KAZN: variants seen among roughly 807,000 people sequenced by gnomAD.
The protein encoded by KAZN is kazrin.
KAZN carries 40 observed loss-of-function variants against 87.4 expected under a neutral mutation model. The ratio of observed to expected loss-of-function variants is 0.46; its 90% confidence interval spans 0.36 to 0.60. KAZN has a LOEUF of 0.60. KAZN is among the 20% of genes least tolerant of loss of function. The pLI is 0.00. For missense variants in KAZN, 898 were observed against 1,073.9 expected, an observed-to-expected ratio of 0.84 and a Z score of 2.29; for synonymous variants, 466 against 458.3, an observed-to-expected ratio of 1.02 and a Z score of -0.22.
chr1:14,290,492 TC>T (rs1333984867), intron 2 of KAZN, among the ~76,000 whole-genome samples: 1 of 152,262 alleles, frequency 6.6e-6, no homozygotes, highest in Non-Finnish European at 1.5e-5. Context: ...TGTGCGTGCC[TC>T]ATGTAGTTCT....
At chr1:13,960,137 A>G (rs1641696766) in intron 1 of KAZN, among the ~76,000 whole-genome samples, 1 of 152,144 alleles carries the variant, frequency 6.6e-6, no homozygotes, top group African/African-American at 2.4e-5. Context: ...ATGTTTAGCC[A>G]TATGGAGGAA....
At chr1:14,088,944 C>A (rs1317743204) in intron 1 of KAZN, among the ~76,000 whole-genome samples, 2 of 148,328 alleles carry the variant, frequency 1.3e-5, no homozygotes, top group Non-Finnish European at 3.0e-5. Flanking sequence ...AAGATTCATA[C>A]CATCATTCTA....
chr1:14,309,111 A>G (rs1281285162), intron 2 of KAZN, among the ~76,000 whole-genome samples: 1 of 152,160 alleles, frequency 6.6e-6, no homozygotes, highest in Non-Finnish European at 1.5e-5. Flanking sequence ...TATTTTTCCA[A>G]ATGGCAGCTG....
chr1:15,007,376 T>TC (rs1669132393), intron 2 of KAZN, among the ~76,000 whole-genome samples: 1 of 152,228 alleles, frequency 6.6e-6, no homozygotes, highest in South Asian at 2.1e-4. Flanking sequence ...CGAGGGTTTT[T>TC]CATGAGCTAG....
At chr1:14,137,104 G>A (rs958221596) in intron 1 of KAZN, among the ~76,000 whole-genome samples, 2 of 152,166 alleles carry the variant, frequency 1.3e-5, no homozygotes, top group South Asian at 2.1e-4. Flanking sequence ...AGGAAGGGCC[G>A]CTGCTGGGAA....
At chr1:14,489,345 C>T (rs911721127) in intron 2 of KAZN, among the ~76,000 whole-genome samples, 6 of 151,978 alleles carry the variant, frequency 3.9e-5, no homozygotes, top group Non-Finnish European at 8.8e-5. Context: ...CTATATAAAT[C>T]GGGATAAAAT....
chr1:14,146,206 C>G (rs1645345044), intron 1 of KAZN, among the ~76,000 whole-genome samples: 1 of 151,408 alleles, frequency 6.6e-6, no homozygotes, highest in African/African-American at 2.4e-5. Flanking sequence ...AATTTTCCTC[C>G]TTATTTACTG....
chr1:15,108,974 C>T (rs577864633), intron 13 of KAZN, among the ~76,000 whole-genome samples: 2 of 152,262 alleles, frequency 1.3e-5, no homozygotes, highest in African/African-American at 4.8e-5. Flanking sequence ...GGGGGGATTT[C>T]AGCCACTGTG....
At chr1:14,848,652 C>T (rs1475077482) in intron 1 of KAZN, among the ~76,000 whole-genome samples, 1 of 152,204 alleles carries the variant, frequency 6.6e-6, no homozygotes, top group Non-Finnish European at 1.5e-5. Flanking sequence ...TCTGAAGCTA[C>T]AGATGTCAAC....
chr1:13,993,720 C>T (rs925081712), intron 1 of KAZN, among the ~76,000 whole-genome samples: 1 of 152,140 alleles, frequency 6.6e-6, no homozygotes, highest in Non-Finnish European at 1.5e-5. Context: ...ATGATAATTT[C>T]AGGAAGTTAC....
intron 1 of KAZN, among the ~76,000 whole-genome samples, chr1:14,917,225 G>T (rs1485967593): frequency 6.6e-6 from 1 of 152,178 alleles, no homozygotes; most frequent in Non-Finnish European, 1.5e-5. Context: ...ACCCCACCAA[G>T]GGCAAAGGTC....
At chr1:14,962,289 TGCTTTCCAAG>T (rs1663967164) in intron 2 of KAZN, among the ~76,000 whole-genome samples, 1 of 152,236 alleles carries the variant, frequency 6.6e-6, no homozygotes, top group Non-Finnish European at 1.5e-5. Context: ...CAGTACATGT[TGCTTTCCAAG>T]GCAGGTAGAT....
chr1:14,139,164 G>T (rs146295975), intron 1 of KAZN, among the ~76,000 whole-genome samples: 2 of 152,074 alleles, frequency 1.3e-5, no homozygotes, highest in Non-Finnish European at 2.9e-5. Context: ...GTTGTCCCAC[G>T]CTAATTTCTC....
In KAZN at chr1:14,342,434, T is replaced by C. The variant is rs561943099; in HGVS notation, c.249+161842T>C. Among the ~76,000 whole-genome samples, 4 of 152,334 alleles carry C rather than the reference T, an allele frequency of 2.6e-5. No individual in the cohort carries two copies. In the South Asian group the frequency reaches 8.3e-4, roughly 32 times the overall value. On this transcript the variant is annotated intron_variant, in intron 2 of 16. Transcript: ENST00000636203. ...CACACTGTCTTGACAATCTGTATTG[T>C]ACTAATTTATGGCACGTATTCTTGC...
intron 2 of KAZN, among the ~76,000 whole-genome samples, chr1:14,284,002 C>A (rs1043871508): frequency 1.9e-4 from 29 of 152,014 alleles, no homozygotes; most frequent in African/African-American, 7.0e-4. Flanking sequence ...AACCCAGACA[C>A]AAAAGACCAT....
intron 2 of KAZN, among the ~76,000 whole-genome samples, chr1:14,270,954 G>C (rs1018887063): frequency 6.6e-6 from 1 of 152,160 alleles, no homozygotes; most frequent in African/African-American, 2.4e-5. Context: ...CATGGCGCAC[G>C]GAGAAAGGGT....
chr1:14,085,088 T>G (rs1643814178), intron 1 of KAZN, among the ~76,000 whole-genome samples: 1 of 152,178 alleles, frequency 6.6e-6, no homozygotes, highest in African/African-American at 2.4e-5. Flanking sequence ...CCCAATACTT[T>G]CAGTGTGCTA....
intron 1 of KAZN, among the ~76,000 whole-genome samples, chr1:14,634,340 C>T (rs551864381): frequency 7.4e-4 from 112 of 152,248 alleles, no homozygotes; most frequent in Non-Finnish European, 1.4e-3. Flanking sequence ...GAGGATTTTT[C>T]TCTTTTGTCT....
intron 2 of KAZN, among the ~76,000 whole-genome samples, chr1:14,521,758 AGT>A (rs1242441824): frequency 1.3e-5 from 2 of 152,204 alleles, no homozygotes; most frequent in Admixed American, 1.3e-4. Flanking sequence ...AAAGGGAGGA[AGT>A]GTGGTTACTG....
Sources: allele counts gnomAD v4.1 joint callset (sites outside exome capture counted in the v4.1 genomes callset), GRCh38; gene constraint gnomAD v4.1.1; transcripts MANE v1.5; gene names NCBI Gene and HGNC (gene_info 2026-07-23, HGNC 2026-07-21).